The following ATP8A2 variants were observed in gnomAD, a reference collection of about 807,000 sequenced individuals.
The protein encoded by ATP8A2 is phospholipid-transporting ATPase IB.
Under a neutral mutation model 165.6 loss-of-function variants are expected in ATP8A2, and 100 were observed. The observed-to-expected ratio is 0.60, with a 90% CI of 0.51 to 0.71. The LOEUF (loss-of-function observed/expected upper bound fraction) is 0.71. Ranked by LOEUF, ATP8A2 falls within the 30% of genes least tolerant of loss-of-function variation. The pLI is 0.00. For synonymous variants in ATP8A2, 543 were observed against 548.8 expected (o/e 0.99, Z 0.15); for missense variants, 1,227 against 1,479.5 (o/e 0.83, Z 2.80).
chr13:25,896,763 A>G (rs1161507473), intron 33 of ATP8A2, among the ~76,000 whole-genome samples: 2 of 152,252 alleles, frequency 1.3e-5, no homozygotes, highest in Non-Finnish European at 2.9e-5. Context: ...CTTCTTGTTG[A>G]ATTGATCCCT....
chr13:25,578,972 G>A, intron 21 of ATP8A2, 73 bp downstream of exon 21: 1 of 1,045,876 alleles, frequency 9.6e-7, no homozygotes, highest in Non-Finnish European at 1.5e-6. Flanking sequence ...TGATTTCCAG[G>A]GGCACATTCT....
rs368991553 is a variant in ATP8A2 at position 25,578,796 on chromosome 13, A to G, written c.1783-19A>G. ...TTTACTGAAGGCTTTGCCAGTCACA[A>G]TGTTTCCCTATTTTATAGGATAATG... is the stretch of plus-strand genomic sequence containing the variant. On this transcript the variant is annotated intron_variant, in intron 20 of 36. Coordinates refer to ENST00000381655, the MANE Select transcript of ATP8A2 (RefSeq NM_016529.6). The G allele has an allele frequency of 8.4e-5, 119 of 1,415,864 alleles. No homozygotes were observed. Among genetic ancestry groups the G allele is most frequent in the Non-Finnish European group, 1.0e-4 (103 of 999,474 alleles). The allele number at this position is 1,415,864 out of a possible 1,614,324, so 87.7% of individuals were successfully genotyped here.
chr13:25,533,369 A>G (rs1322115382), intron 6 of ATP8A2, 56 bp downstream of exon 6: 12 of 991,876 alleles, frequency 1.2e-5, no homozygotes, highest in Admixed American at 2.0e-5. Context: ...CGCGTAATGA[A>G]TTGCTGGTCT....
At chr13:25,592,010 A>G (rs189867194) in intron 24 of ATP8A2, among the ~76,000 whole-genome samples, 1 of 143,082 alleles carries the variant, frequency 7.0e-6, no homozygotes, top group East Asian at 2.0e-4. Flanking sequence ...TGATTTTTCC[A>G]TATTCTTGCC....
chr13:25,653,761 G>A (rs1456697873), intron 24 of ATP8A2, among the ~76,000 whole-genome samples: 1 of 152,170 alleles, frequency 6.6e-6, no homozygotes, highest in Admixed American at 6.5e-5. Context: ...GGAGATTGTG[G>A]TGGAATAGGA....
Position 25,467,162 on chromosome 13 carries a change from G to T in ATP8A2, c.77-1815G>T, listed in dbSNP as rs371675907. On this transcript the variant is annotated intron_variant, in intron 1 of 36. Coordinates refer to ENST00000381655, the MANE Select transcript of ATP8A2 (RefSeq NM_016529.6). ...ACCCCAGAGAGTGGGAGGTTGGAGG[G>T]AAGGAGATGAGGGATCCTGTCTGAG... is the stretch of plus-strand genomic sequence containing the variant. Among the ~76,000 whole-genome samples the T allele has an allele frequency of 5.4e-4, 82 of 152,292 alleles. 3 individuals carry two copies. The South Asian group carries it at 0.016, about 30-fold the overall frequency.
intron 24 of ATP8A2, among the ~76,000 whole-genome samples, chr13:25,631,473 T>G (rs1038915377): frequency 1.3e-5 from 2 of 152,272 alleles, no homozygotes; most frequent in Non-Finnish European, 2.9e-5. Flanking sequence ...TTAAGTTGAT[T>G]TGAGGATTTT....
At chr13:25,855,932 G>C (rs1952152557) in intron 30 of ATP8A2, among the ~76,000 whole-genome samples, 2 of 152,178 alleles carry the variant, frequency 1.3e-5, no homozygotes, top group South Asian at 2.1e-4. Flanking sequence ...GCACTTACTG[G>C]CCATTTTGAT....
intron 28 of ATP8A2, among the ~76,000 whole-genome samples, chr13:25,834,602 T>TGGG (rs1566185807): frequency 6.6e-6 from 1 of 152,182 alleles, no homozygotes; most frequent in East Asian, 1.9e-4. Context: ...CCAAGGGCTT[T>TGGG]GGGGGGCTTT....
At chr13:25,950,363 T>G (rs564537267) in intron 33 of ATP8A2, among the ~76,000 whole-genome samples, 1 of 152,238 alleles carries the variant, frequency 6.6e-6, no homozygotes, top group East Asian at 1.9e-4. Flanking sequence ...TCTCTAAAAT[T>G]GGGTCCTAAG....
chr13:25,581,753 C>A, intron 22 of ATP8A2, 66 bp from the exon 23 acceptor site: 1 of 1,456,564 alleles, frequency 6.9e-7, no homozygotes, highest in East Asian at 2.3e-5. Context: ...CTTTCTTTGT[C>A]AGAATTTGTT....
At chr13:25,813,379 T>C (rs1950925418) in intron 27 of ATP8A2, among the ~76,000 whole-genome samples, 2 of 138,676 alleles carry the variant, frequency 1.4e-5, no homozygotes, top group African/African-American at 5.6e-5. Flanking sequence ...GCCAGGATGA[T>C]GATATATGAT....
intron 16 of ATP8A2, among the ~76,000 whole-genome samples, chr13:25,570,362 C>T (rs1426718829): frequency 6.6e-6 from 1 of 151,994 alleles, no homozygotes; most frequent in African/African-American, 2.4e-5. Flanking sequence ...CACAGGGAGG[C>T]GGAAGCAGAG....
chr13:25,987,624 T>C (rs566566840), intron 35 of ATP8A2, among the ~76,000 whole-genome samples: 1 of 152,292 alleles, frequency 6.6e-6, no homozygotes, highest in African/African-American at 2.4e-5. Context: ...CCAGAGAGGA[T>C]CCAAGATGTT....
intron 33 of ATP8A2, among the ~76,000 whole-genome samples, chr13:25,914,571 C>T (rs896682332): frequency 1.3e-5 from 2 of 152,198 alleles, no homozygotes; most frequent in African/African-American, 2.4e-5. Flanking sequence ...CTCTCCTTCA[C>T]CAGTATGTCT....
At chr13:25,425,400 C>T (rs1362746812) in intron 1 of ATP8A2, among the ~76,000 whole-genome samples, 1 of 150,794 alleles carries the variant, frequency 6.6e-6, no homozygotes, top group Non-Finnish European at 1.5e-5. Flanking sequence ...CTAGTACTTG[C>T]AAGACGTCAT....
At chr13:25,955,959 G>T (rs575143349) in intron 33 of ATP8A2, among the ~76,000 whole-genome samples, 64 of 152,274 alleles carry the variant, frequency 4.2e-4, no homozygotes, top group Admixed American at 1.2e-3. Context: ...TGGATGCAAG[G>T]CTGGTTCAAC....
chr13:25,431,304 A>G (rs897445432), intron 1 of ATP8A2, among the ~76,000 whole-genome samples: 1 of 152,066 alleles, frequency 6.6e-6, no homozygotes, highest in Non-Finnish European at 1.5e-5. Flanking sequence ...ATGCGCCACG[A>G]TGCCTGGCTA....
At chr13:25,855,263 A>G (rs1952126647) in intron 30 of ATP8A2, among the ~76,000 whole-genome samples, 1 of 151,954 alleles carries the variant, frequency 6.6e-6, no homozygotes, top group South Asian at 2.1e-4. Flanking sequence ...AAAAAAAAAA[A>G]AAAAGAGTCA....
Sources: gnomAD v4.1 joint callset for allele counts (sites outside exome capture counted in the v4.1 genomes callset) on GRCh38, gnomAD v4.1.1 for gene constraint, MANE v1.5 for transcripts, NCBI Gene and HGNC (gene_info 2026-07-23, HGNC 2026-07-21) for gene names.